DLEU7: variants seen among roughly 807,000 people sequenced by gnomAD.
DLEU7 encodes the protein leukemia-associated protein 7.
A neutral mutation model predicts 16.0 loss-of-function variants in DLEU7; 17 were observed. The observed-to-expected ratio is 1.06, with a 90% CI of 0.73 to 1.59. The LOEUF is 1.59. Ranked by LOEUF, DLEU7 falls within the 40% of genes most tolerant of loss-of-function variation. The probability of loss-of-function intolerance (pLI) is 0.00; values close to 1 mark genes in which losing one functional copy is unlikely to be tolerated. For missense variants in DLEU7, 308 were observed against 314.9 expected, an observed-to-expected ratio of 0.98 and a Z score of 0.17; for synonymous variants, 113 against 139.8, an observed-to-expected ratio of 0.81 and a Z score of 1.35.
chr13:50,828,205 G>A (rs934848999), intron 1 of DLEU7, among the ~76,000 whole-genome samples: 3 of 152,126 alleles, frequency 2.0e-5, no homozygotes, highest in Non-Finnish European at 2.9e-5. Context: ...TCACAAGCTT[G>A]AGCCAATGGA....
In DLEU7 at chr13:50,794,161, C is replaced by T. The variant is rs980488706; in HGVS notation, c.459+49027G>A. 2.0e-5 allele frequency among the ~76,000 whole-genome samples: 3 copies of T among 152,112 alleles called. No individual in the cohort carries two copies. In the East Asian group the frequency reaches 5.8e-4, roughly 29 times the overall value. On this transcript the variant is annotated intron_variant, in intron 1 of 1. Coordinates refer to the DLEU7 transcript ENST00000400393. Reference sequence around the variant, plus strand: ...TGCTTATTGTTTACACTTTGACTTTCCCTTTGTATTCACCACTGTATCCTA... The same window carrying T: ...TGCTTATTGTTTACACTTTGACTTTTCCTTTGTATTCACCACTGTATCCTA...
Position 50,843,110 on chromosome 13 carries a change from C to G in DLEU7, c.459+78G>C, listed in dbSNP as rs1479556897. ...GTTTGGGATCCTGCGATCCACCCAT[C>G]GCCATCCCAGCAGCCCCACCCTTGG... is the stretch of plus-strand genomic sequence containing the variant. On this transcript the variant is annotated intron_variant, in intron 1 of 1. Transcript: ENST00000504404. This position sits in a 1 kb window ranked among gnomAD's most constrained non-coding sequence, Gnocchi z 5.7. The G allele has an allele frequency of 7.3e-7, 1 of 1,363,432 alleles. No homozygotes were observed. The highest frequency in any genetic ancestry group is 9.8e-7 in the Non-Finnish European group (1 of 1,019,546). 84.5% of individuals were successfully genotyped at this position (1,363,432 alleles called of 1,614,324 possible).
intron 1 of DLEU7, among the ~76,000 whole-genome samples, chr13:50,760,074 C>T (rs1274622531): frequency 6.6e-6 from 1 of 152,164 alleles, no homozygotes; most frequent in African/African-American, 2.4e-5. Flanking sequence ...TACAAAAGAT[C>T]ATTCAGGGGT....
At chr13:50,714,674 G>A (rs1025006013) in intron 1 of DLEU7, among the ~76,000 whole-genome samples, 1 of 152,106 alleles carries the variant, frequency 6.6e-6, no homozygotes, top group Admixed American at 6.5e-5. Flanking sequence ...ATGAGACAGA[G>A]CTTTCAGGCT....
Position 50,843,419 on chromosome 13 carries a change from A to C in DLEU7, c.228T>G (p.Ser76Arg). 7.7e-7 allele frequency: 1 copy of C among 1,306,234 alleles called. No homozygotes were observed. Among genetic ancestry groups the C allele is most frequent in the Non-Finnish European group, 9.7e-7 (1 of 1,032,782 alleles). The allele number at this position is 1,306,234 out of a possible 1,614,324, so 80.9% of individuals were successfully genotyped here. ...EERGGGVGTRSRRTAARANSP... is the reference protein window; with the variant it reads ...EERGGGVGTRRRRTAARANSP... ...AGTTCGCCCGCGCCGCGGTCCGCCG[A>C]CTCCTGGTCCCCACGCCCCCGCCCC... The change falls in exon 1 of 2, where the codon AGT becomes AGG. Residue 76 changes from serine to arginine, a missense_variant. Coordinates refer to ENST00000504404, the MANE Select transcript of DLEU7 (RefSeq NM_001306135.2). The surrounding 1 kb of genome is among the most constrained non-coding windows in gnomAD (Gnocchi z 5.7).
chr13:50,813,741 A>T (rs1402183969), intron 1 of DLEU7, among the ~76,000 whole-genome samples: 1 of 152,112 alleles, frequency 6.6e-6, no homozygotes, highest in African/African-American at 2.4e-5. Flanking sequence ...TAAATTAGTG[A>T]GGGATTACCA....
At chr13:50,804,518 A>T (rs529951228) in intron 1 of DLEU7, among the ~76,000 whole-genome samples, 1 of 151,634 alleles carries the variant, frequency 6.6e-6, no homozygotes, top group South Asian at 2.1e-4. Flanking sequence ...ATCTCAGCTC[A>T]CTGCAATCTC....
At chr13:50,837,010 A>G (rs1877492791) in intron 1 of DLEU7, among the ~76,000 whole-genome samples, 1 of 152,248 alleles carries the variant, frequency 6.6e-6, no homozygotes, top group Non-Finnish European at 1.5e-5. Flanking sequence ...GGCCCAGAGC[A>G]GTCATCCATC....
intron 1 of DLEU7, among the ~76,000 whole-genome samples, chr13:50,810,096 C>A (rs550083907): frequency 6.8e-6 from 1 of 147,994 alleles, no homozygotes; most frequent in Non-Finnish European, 1.5e-5. Flanking sequence ...ACCATTGATA[C>A]GTCTGTGGAT....
intron 1 of DLEU7, among the ~76,000 whole-genome samples, chr13:50,725,447 G>A (rs917201281): frequency 1.3e-5 from 2 of 152,192 alleles, no homozygotes; most frequent in African/African-American, 2.4e-5. Flanking sequence ...GACAGGCTCT[G>A]TGTGCATGGA....
chr13:50,840,788 T>C (rs1177731657), intron 1 of DLEU7, among the ~76,000 whole-genome samples: 1 of 151,374 alleles, frequency 6.6e-6, no homozygotes, highest in Admixed American at 6.6e-5. Context: ...TACATGGGGA[T>C]GGGGGGGCAG....
At chr13:50,801,334 G>A (rs549360246) in intron 1 of DLEU7, among the ~76,000 whole-genome samples, 2 of 152,154 alleles carry the variant, frequency 1.3e-5, no homozygotes, top group African/African-American at 2.4e-5. Context: ...TCCTGAGGTC[G>A]CTTCAGATGT....
intron 1 of DLEU7, among the ~76,000 whole-genome samples, chr13:50,783,365 T>C (rs1187754587): frequency 1.3e-5 from 2 of 152,192 alleles, no homozygotes; most frequent in East Asian, 3.9e-4. Flanking sequence ...AGTACCCCAA[T>C]AGCTTGATTC....
chr13:50,797,446 G>A (rs974326365), intron 1 of DLEU7, among the ~76,000 whole-genome samples: 2 of 152,134 alleles, frequency 1.3e-5, no homozygotes, highest in Non-Finnish European at 2.9e-5. Flanking sequence ...TCACCAAGCA[G>A]CACGTACAAG....
intron 1 of DLEU7, among the ~76,000 whole-genome samples, chr13:50,800,039 G>A (rs1174086674): frequency 6.6e-6 from 1 of 152,192 alleles, no homozygotes; most frequent in East Asian, 1.9e-4. Context: ...GGCATTGAAG[G>A]CTTCATGCAG....
Position 50,748,158 on chromosome 13 carries a change from G to A in DLEU7, c.460-34918C>T, listed in dbSNP as rs543377681. On this transcript the variant is annotated intron_variant, in intron 1 of 1. Transcript: ENST00000400393. ...TGTGTTATGAAGTAATACAGAGAAC[G>A]CTCATATGAATAATGATTACACATG... Among the ~76,000 whole-genome samples, 6 of 151,150 alleles carry A rather than the reference G, an allele frequency of 4.0e-5. No homozygotes were observed. In the East Asian group the frequency reaches 9.8e-4, roughly 25 times the overall value.
rs1873765707 is a variant in DLEU7 at position 50,726,447 on chromosome 13, T to G, written c.460-13207A>C. ...CTTTCACGGAACACAGGCTTCCATT[T>G]AACCAGAAATACATGTTTTTTAACT... On this transcript the variant is annotated intron_variant, in intron 1 of 1. Transcript: ENST00000400393. This position sits in a 1 kb window ranked among gnomAD's most constrained non-coding sequence, Gnocchi z 4.0. Among the ~76,000 whole-genome samples, 1 of 152,240 alleles carries G rather than the reference T, an allele frequency of 6.6e-6. No homozygotes were observed. The highest frequency in any genetic ancestry group is 2.1e-4 in the South Asian group (1 of 4,836).
At chr13:50,761,058 T>C (rs1294971713) in intron 1 of DLEU7, among the ~76,000 whole-genome samples, 1 of 152,136 alleles carries the variant, frequency 6.6e-6, no homozygotes, top group Non-Finnish European at 1.5e-5. Flanking sequence ...CCACACTGTA[T>C]TTGCCTGAAG....
chr13:50,820,080 C>T (rs1346260384), downstream of DLEU7, among the ~76,000 whole-genome samples: 3 of 152,070 alleles, frequency 2.0e-5, no homozygotes, highest in Admixed American at 6.6e-5. Context: ...GAATAGTCAG[C>T]CGCATCAAAA....
Sources: gnomAD v4.1 joint callset for allele counts (sites outside exome capture counted in the v4.1 genomes callset) on GRCh38, gnomAD v4.1.1 for gene constraint, Gnocchi (gnomAD v3.1) non-coding constraint, MANE v1.5 for transcripts, NCBI Gene and HGNC (gene_info 2026-07-23, HGNC 2026-07-21) for gene names.